The following LRRC28 variants were observed in gnomAD, a reference collection of about 807,000 sequenced individuals.
LRRC28 encodes leucine rich repeat containing 28.
Under a neutral mutation model 45.7 loss-of-function variants are expected in LRRC28, and 39 were observed. The observed-to-expected ratio is 0.85, with a 90% confidence interval of 0.66 to 1.12. The LOEUF (loss-of-function observed/expected upper bound fraction) is 1.12. LRRC28 is among the 50% of genes most tolerant of loss of function. The probability of loss-of-function intolerance (pLI) is 0.00; values close to 1 mark genes in which losing one functional copy is unlikely to be tolerated. For missense variants in LRRC28, 435 were observed against 438.5 expected (o/e 0.99, Z 0.07); for synonymous variants, 206 against 178.8 (o/e 1.15, Z -1.22).
intron 6 of LRRC28, among the ~76,000 whole-genome samples, chr15:99,339,673 C>T (rs147668734): frequency 2.7e-5 from 4 of 150,392 alleles, no homozygotes; most frequent in East Asian, 1.9e-4. Flanking sequence ...TGCAGTGAGC[C>T]GAGATCGCAC....
At chr15:99,369,494 T>A (rs1357182631) in intron 9 of LRRC28, among the ~76,000 whole-genome samples, 3 of 152,112 alleles carry the variant, frequency 2.0e-5, no homozygotes, top group South Asian at 4.1e-4. Flanking sequence ...AGTTGCAGTG[T>A]TGAGTCTGAA....
chr15:99,362,026 A>C (rs1425182382), intron 8 of LRRC28, among the ~76,000 whole-genome samples: 1 of 152,236 alleles, frequency 6.6e-6, no homozygotes, highest in Non-Finnish European at 1.5e-5. Context: ...AGCCGTTGGC[A>C]GTACTGTCGC....
chr15:99,337,037 C>T (rs920500298), intron 6 of LRRC28, among the ~76,000 whole-genome samples: 11 of 152,208 alleles, frequency 7.2e-5, no homozygotes, highest in Non-Finnish European at 1.5e-4. Context: ...GCCTAGACTC[C>T]TGCATACAAT....
rs561808578 is a variant in LRRC28, at chr15:99,352,977, C to T, written c.695+506C>T. ...TTTAGAACTCAACATTTGAGATAGT[C>T]CCTCAAAATAAATCATGATTCTAGC... On this transcript the variant is annotated intron_variant, in intron 7 of 9. Coordinates refer to ENST00000301981, the MANE Select transcript of LRRC28 (RefSeq NM_144598.5). Among the ~76,000 whole-genome samples the T allele has an allele frequency of 9.2e-5, 14 of 152,266 alleles. No individual in the cohort carries two copies. In the South Asian group the frequency reaches 2.9e-3, roughly 32 times the overall value.
chr15:99,314,638 T>C (rs561296704), intron 5 of LRRC28, among the ~76,000 whole-genome samples: 1 of 152,296 alleles, frequency 6.6e-6, no homozygotes, highest in East Asian at 1.9e-4. Flanking sequence ...TATGTTTTTA[T>C]GTTCTTTCAT....
intron 5 of LRRC28, among the ~76,000 whole-genome samples, chr15:99,299,021 T>C (rs527897745): frequency 2.0e-5 from 3 of 152,336 alleles, no homozygotes; most frequent in Non-Finnish European, 4.4e-5. Flanking sequence ...GTTATTTTTG[T>C]ATCTAAATCA....
intron 9 of LRRC28, among the ~76,000 whole-genome samples, chr15:99,365,504 C>T (rs1242698135): frequency 3.3e-5 from 5 of 152,292 alleles, no homozygotes; most frequent in Admixed American, 6.5e-5. Flanking sequence ...TTAAAAGCAC[C>T]GGCTTCAGTT....
intron 5 of LRRC28, among the ~76,000 whole-genome samples, chr15:99,331,632 C>A (rs1956161384): frequency 6.6e-6 from 1 of 152,138 alleles, no homozygotes; most frequent in Admixed American, 6.5e-5. Flanking sequence ...CTCACAATAG[C>A]AAGTCCAGGC....
At chr15:99,331,106 A>T (rs1309579137) in intron 5 of LRRC28, among the ~76,000 whole-genome samples, 1 of 152,200 alleles carries the variant, frequency 6.6e-6, no homozygotes, top group Non-Finnish European at 1.5e-5. Flanking sequence ...TTTTACAATA[A>T]CGCAAAAAAA....
intron 5 of LRRC28, among the ~76,000 whole-genome samples, chr15:99,323,482 C>G (rs912550996): frequency 6.6e-6 from 1 of 152,120 alleles, no homozygotes; most frequent in Non-Finnish European, 1.5e-5. Flanking sequence ...GTGGGACATC[C>G]TGAATGCTGT....
At chr15:99,345,524 C>T (rs749862965) in intron 6 of LRRC28, among the ~76,000 whole-genome samples, 2 of 151,908 alleles carry the variant, frequency 1.3e-5, no homozygotes, top group Non-Finnish European at 2.9e-5. Context: ...GATTGTTTTT[C>T]TTCTATTGAG....
At chr15:99,318,892 C>T (rs897840557) in intron 5 of LRRC28, among the ~76,000 whole-genome samples, 2 of 151,892 alleles carry the variant, frequency 1.3e-5, no homozygotes, top group African/African-American at 4.8e-5. Flanking sequence ...CAACCGCTTT[C>T]TATTTTTCAT....
intron 5 of LRRC28, among the ~76,000 whole-genome samples, chr15:99,298,064 CAAAA>C (rs891570402): frequency 1.5e-4 from 23 of 150,462 alleles, no homozygotes; most frequent in Non-Finnish European, 8.9e-5. Flanking sequence ...AAAAAAAAGG[CAAAA>C]GAAGAAAAGT....
rs1007945227 is a variant in LRRC28, at chr15:99,270,811, A to G, written c.169-5765A>G. Among the ~76,000 whole-genome samples, 11 of 152,226 alleles carry G rather than the reference A, an allele frequency of 7.2e-5. 1 individual carries two copies. Among genetic ancestry groups the G allele is most frequent in the Admixed American group, 7.2e-4 (11 of 15,278 alleles). ...AATAAGAGCGGAATTACAGGGTCAT[A>G]CGGTAATTTTATGCTTAACTTTTGA... On this transcript the variant is annotated intron_variant, in intron 2 of 9. Transcript: ENST00000301981.
intron 3 of LRRC28, among the ~76,000 whole-genome samples, chr15:99,279,987 G>T (rs2081737676): frequency 6.6e-6 from 1 of 152,004 alleles, no homozygotes. Context: ...TGTTGTCTTT[G>T]TTATTTTAGT....
At position 99,363,126 on chromosome 15, in the gene LRRC28, A is replaced by G. The variant is rs751800945; in HGVS notation, c.892A>G (p.Ile298Val). ...TCCAGATTTGAACTTTCTGTCTCCAATCTCATTACCCAGAAGTCTCCTAGA... is the reference window on the plus strand; with the variant it reads ...TCCAGATTTGAACTTTCTGTCTCCAGTCTCATTACCCAGAAGTCTCCTAGA... ...LLKDLNFLSP[I>V]SLPRSLLELL... is the part of the protein sequence containing the mutation. The change falls in exon 9 of 10, where the codon ATC (isoleucine) becomes GTC (valine). Residue 298 changes from isoleucine (I) to valine (V), a missense_variant. Physicochemically the swap from Ile to Val is conservative, Grantham distance 29. Transcript: ENST00000301981. 4 of 1,610,104 alleles carry G rather than the reference A, an allele frequency of 2.5e-6. No individual in the cohort carries two copies. Among genetic ancestry groups the G allele is most frequent in the Non-Finnish European group, 3.4e-6 (4 of 1,178,250 alleles).
At chr15:99,341,278 A>T (rs1355368332) in intron 6 of LRRC28, among the ~76,000 whole-genome samples, 1 of 151,710 alleles carries the variant, frequency 6.6e-6, no homozygotes, top group African/African-American at 2.4e-5. Flanking sequence ...TTTAATAGAG[A>T]TGGGGATTTC....
intron 2 of LRRC28, chr15:99,259,030 C>G (rs184971685): frequency 2.4e-6 from 2 of 825,670 alleles, no homozygotes; most frequent in African/African-American, 1.7e-5. Context: ...TGGACATGAT[C>G]AAGAAGATTG....
At chr15:99,265,498 A>G (rs1385070274) in intron 2 of LRRC28, among the ~76,000 whole-genome samples, 1 of 152,300 alleles carries the variant, frequency 6.6e-6, no homozygotes, top group African/African-American at 2.4e-5. Context: ...GAAGTTTCTG[A>G]TGATGACACG....
Sources: gnomAD v4.1 joint callset for allele counts (sites outside exome capture counted in the v4.1 genomes callset) on GRCh38, gnomAD v4.1.1 for gene constraint, MANE v1.5 for transcripts, NCBI Gene and HGNC (gene_info 2026-07-23, HGNC 2026-07-21) for gene names.